The following LAMA2 variants were observed in gnomAD, a reference collection of about 807,000 sequenced individuals.
LAMA2 encodes laminin subunit alpha-2.
In LAMA2, 269 loss-of-function variants were observed where a neutral mutation model predicts 364.8. The observed-to-expected ratio is 0.74, with a 90% confidence interval of 0.67 to 0.82. The LOEUF is 0.82. Ranked by LOEUF, LAMA2 falls within the 40% of genes least tolerant of loss-of-function variation. LAMA2 has a pLI of 0.00. For synonymous variants in LAMA2, 1,379 were observed against 1,370.6 expected, an observed-to-expected ratio of 1.01 and a Z score of -0.14; for missense variants, 3,807 against 3,873.2, an observed-to-expected ratio of 0.98 and a Z score of 0.45.
At position 129,036,618 on chromosome 6, in the gene LAMA2, C is replaced by T. The variant is rs75828639; in HGVS notation, c.113-13300C>T. Among the ~76,000 whole-genome samples the T allele has an allele frequency of 8.9e-3, 1,349 of 151,232 alleles. 9 individuals are homozygous for T. Among genetic ancestry groups the T allele is most frequent in the Non-Finnish European group, 0.014 (962 of 67,844 alleles). On this transcript the variant is annotated intron_variant, in intron 1 of 64. Coordinates refer to ENST00000421865, the MANE Select transcript of LAMA2 (RefSeq NM_000426.4). ...AATTAATTCAACAGAGAAACATGTA[C>T]TACTTTTTCTGATTAAAAAAAAAAA...
chr6:129,230,765 G>A (rs1784627551), intron 12 of LAMA2, among the ~76,000 whole-genome samples: 1 of 152,050 alleles, frequency 6.6e-6, no homozygotes, highest in South Asian at 2.1e-4. Context: ...GAAGATAGAG[G>A]TTAGATTTAA....
intron 3 of LAMA2, among the ~76,000 whole-genome samples, chr6:129,095,915 G>T (rs1184140790): frequency 6.7e-6 from 1 of 150,096 alleles, no homozygotes; most frequent in Admixed American, 6.6e-5. Flanking sequence ...AGAGCAGGAC[G>T]CAGTCTGGAA....
chr6:129,074,034 G>A (rs1345876006), intron 3 of LAMA2, among the ~76,000 whole-genome samples: 2 of 152,186 alleles, frequency 1.3e-5, no homozygotes, highest in Non-Finnish European at 2.9e-5. Context: ...CAAATGTTTT[G>A]TAGCTTAGTT....
At chr6:129,110,816 G>A (rs1435273470) in intron 4 of LAMA2, among the ~76,000 whole-genome samples, 1 of 151,962 alleles carries the variant, frequency 6.6e-6, no homozygotes, top group Non-Finnish European at 1.5e-5. Flanking sequence ...TTCTAAATGT[G>A]TATTTACTGT....
At chr6:128,948,902 C>T (rs985496733) in intron 1 of LAMA2, among the ~76,000 whole-genome samples, 7 of 152,270 alleles carry the variant, frequency 4.6e-5, no homozygotes, top group African/African-American at 1.7e-4. Flanking sequence ...GTACAGCCTG[C>T]AGAACAGAGA....
chr6:129,452,911 T>C, intron 45 of LAMA2, 77 bp from the exon 46 acceptor site: 1 of 1,275,250 alleles, frequency 7.8e-7, no homozygotes. Flanking sequence ...CGATGATGGC[T>C]TTGTGGTTGT....
In LAMA2 at chr6:128,981,269, C is replaced by G. The variant is rs1214072492; in HGVS notation, c.113-68649C>G. Among the ~76,000 whole-genome samples the G allele has an allele frequency of 4.6e-5, 7 of 152,248 alleles. No homozygotes were observed. In the South Asian group the frequency reaches 1.2e-3, roughly 27 times the overall value. On this transcript the variant is annotated intron_variant, in intron 1 of 64. Coordinates refer to ENST00000421865, the MANE Select transcript of LAMA2 (RefSeq NM_000426.4). ...CTATTTTGTCTCCTTGCAATGATCT[C>G]TCTATAACCTAGTAATATCAAGCCC...
chr6:129,056,007 C>G (rs1265186649), intron 2 of LAMA2, among the ~76,000 whole-genome samples: 1 of 152,154 alleles, frequency 6.6e-6, no homozygotes, highest in Non-Finnish European at 1.5e-5. Flanking sequence ...GTGACTAATT[C>G]TCTTATCAGT....
At chr6:128,938,227 A>G (rs1370886238) in intron 1 of LAMA2, among the ~76,000 whole-genome samples, 1 of 151,848 alleles carries the variant, frequency 6.6e-6, no homozygotes, top group Non-Finnish European at 1.5e-5. Flanking sequence ...ATACAGTGAT[A>G]TTAATAATAA....
intron 55 of LAMA2, among the ~76,000 whole-genome samples, chr6:129,485,664 T>C (rs1024327931): frequency 6.6e-6 from 1 of 152,216 alleles, no homozygotes; most frequent in African/African-American, 2.4e-5. Flanking sequence ...CTTTGACAGA[T>C]GGTGAGCACT....
chr6:129,213,918 A>C (rs1002286157), intron 12 of LAMA2, among the ~76,000 whole-genome samples: 5 of 152,164 alleles, frequency 3.3e-5, no homozygotes, highest in African/African-American at 1.2e-4. Context: ...ATATATAAAG[A>C]GTTACTGCAA....
chr6:129,072,437 G>C (rs946338128), intron 3 of LAMA2, among the ~76,000 whole-genome samples: 10 of 151,966 alleles, frequency 6.6e-5, no homozygotes, highest in African/African-American at 1.7e-4. Context: ...CTCATATGTT[G>C]AGTGTACTTA....
intron 1 of LAMA2, among the ~76,000 whole-genome samples, chr6:129,020,633 G>A (rs1214654260): frequency 6.6e-6 from 1 of 152,140 alleles, no homozygotes. Context: ...ACGTGAAAAG[G>A]TGTCCCAGGC....
At chr6:129,160,870 A>T (rs909621865) in intron 8 of LAMA2, among the ~76,000 whole-genome samples, 1 of 151,916 alleles carries the variant, frequency 6.6e-6, no homozygotes, top group Non-Finnish European at 1.5e-5. Flanking sequence ...TCTACACTGG[A>T]TGTTTATGAT....
chr6:129,091,098 T>C (rs962484456), intron 3 of LAMA2, among the ~76,000 whole-genome samples: 3 of 152,188 alleles, frequency 2.0e-5, no homozygotes, highest in African/African-American at 4.8e-5. Flanking sequence ...AAAATAACAT[T>C]TTCATGAAAA....
intron 1 of LAMA2, among the ~76,000 whole-genome samples, chr6:128,887,603 T>C (rs1719758206): frequency 6.6e-6 from 1 of 152,134 alleles, no homozygotes; most frequent in Non-Finnish European, 1.5e-5. Flanking sequence ...GCAAGGTGGC[T>C]CACTCCTGTA....
chr6:129,089,428 A>G (rs942008743), intron 3 of LAMA2, among the ~76,000 whole-genome samples: 3 of 152,248 alleles, frequency 2.0e-5, no homozygotes, highest in African/African-American at 7.2e-5. Flanking sequence ...GTATTTCTCC[A>G]GGGTGAATAA....
intron 12 of LAMA2, among the ~76,000 whole-genome samples, chr6:129,234,076 C>T (rs936909978): frequency 3.3e-5 from 5 of 151,922 alleles, no homozygotes; most frequent in African/African-American, 7.3e-5. Context: ...AAGTTGCAGC[C>T]GAGTAGTGAA....
At chr6:129,124,469 C>T (rs1242786602) in intron 4 of LAMA2, among the ~76,000 whole-genome samples, 1 of 152,216 alleles carries the variant, frequency 6.6e-6, no homozygotes, top group Non-Finnish European at 1.5e-5. Flanking sequence ...ACACCACCCA[C>T]TGTGAGTGGA....
Sources: allele counts gnomAD v4.1 joint callset (sites outside exome capture counted in the v4.1 genomes callset), GRCh38; gene constraint gnomAD v4.1.1; transcripts MANE v1.5; gene names NCBI Gene and HGNC (gene_info 2026-07-23, HGNC 2026-07-21).